PTPRC: variants seen among roughly 807,000 people sequenced by gnomAD.
PTPRC encodes protein tyrosine phosphatase receptor type C.
PTPRC carries 44 observed loss-of-function variants against 155.9 expected under a neutral mutation model. The observed-to-expected ratio is 0.28, with a 90% CI of 0.22 to 0.36. The LOEUF is 0.36. PTPRC is among the 10% of genes least tolerant of loss of function. PTPRC has a pLI of 1.00. For synonymous variants in PTPRC, 525 were observed against 533.1 expected (o/e 0.98, Z 0.21); for missense variants, 1,401 against 1,564.6 (o/e 0.90, Z 1.76).
intron 2 of PTPRC, among the ~76,000 whole-genome samples, chr1:198,670,305 A>G (rs929233077): frequency 5.3e-4 from 80 of 152,282 alleles, no homozygotes; most frequent in African/African-American, 1.9e-3. Context: ...AATCACTGTT[A>G]TATGACCTTA....
intron 32 of PTPRC, among the ~76,000 whole-genome samples, chr1:198,754,962 A>C (rs115227278): frequency 0.016 from 2,506 of 152,228 alleles, 65 homozygotes; most frequent in African/African-American, 0.055. Flanking sequence ...TGAGTGGGCC[A>C]CATGTCCCTC....
At chr1:198,682,234 C>G (rs1665374599) in intron 2 of PTPRC, among the ~76,000 whole-genome samples, 2 of 152,150 alleles carry the variant, frequency 1.3e-5, no homozygotes, top group South Asian at 4.1e-4. Flanking sequence ...TGTTTCTGTT[C>G]AGAGTTTTCA....
upstream of PTPRC, chr1:198,639,021 AG>A (rs1557956567): frequency 2.1e-6 from 1 of 480,432 alleles, no homozygotes; most frequent in Non-Finnish European, 3.7e-6. Context: ...TTTTTGGAGA[AG>A]TTAGTAAAAC....
rs555453732 is a variant in PTPRC at position 198,642,040 on chromosome 1, A to T, written c.73+2699A>T. Among the ~76,000 whole-genome samples, 3 of 152,142 alleles carry T rather than the reference A, an allele frequency of 2.0e-5. No individual in the cohort carries two copies. In the South Asian group the frequency reaches 6.2e-4, roughly 31 times the overall value. The stretch of plus-strand genomic sequence containing the variant: ...GAATTACTTATTAATTTGAAAAAAA[A>T]TGTCCTACTAAAAACCTGCCTGTGA... On this transcript the variant is annotated intron_variant, in intron 2 of 32. Coordinates refer to ENST00000442510, the MANE Select transcript of PTPRC (RefSeq NM_002838.5).
intron 2 of PTPRC, among the ~76,000 whole-genome samples, chr1:198,682,794 A>G (rs1272767702): frequency 1.3e-5 from 2 of 152,184 alleles, no homozygotes; most frequent in Non-Finnish European, 2.9e-5. Context: ...TTTGTTAGGC[A>G]TAGGCCTGTT....
intron 9 of PTPRC, among the ~76,000 whole-genome samples, chr1:198,707,769 G>A (rs1375680615): frequency 4.6e-5 from 7 of 152,216 alleles, no homozygotes; most frequent in Admixed American, 2.0e-4. Context: ...TCAATTAAAA[G>A]TAAGTAAAGA....
At chr1:198,680,349 A>C (rs1433531952) in intron 2 of PTPRC, among the ~76,000 whole-genome samples, 1 of 151,898 alleles carries the variant, frequency 6.6e-6, no homozygotes, top group Non-Finnish European at 1.5e-5. Flanking sequence ...TATACTCAGG[A>C]GGCTGAGGCA....
chr1:198,695,535 T>A (rs988976649), intron 3 of PTPRC, among the ~76,000 whole-genome samples: 2 of 151,008 alleles, frequency 1.3e-5, no homozygotes, highest in African/African-American at 4.9e-5. Flanking sequence ...ATTAAGAAAA[T>A]CACTTTTTTC....
intron 12 of PTPRC, among the ~76,000 whole-genome samples, 180 bp downstream of exon 12, chr1:198,713,252 C>A (rs1319506451): frequency 2.6e-5 from 4 of 152,196 alleles, no homozygotes; most frequent in Admixed American, 2.0e-4. Context: ...CCAGAAATGA[C>A]TAAAATCCAG....
intron 4 of PTPRC, among the ~76,000 whole-genome samples, chr1:198,697,928 C>T (rs1303546080): frequency 1.3e-5 from 2 of 152,120 alleles, no homozygotes; most frequent in Non-Finnish European, 2.9e-5. Flanking sequence ...TTTAATCTTC[C>T]ATTTGTTTCC....
rs1392507217 is a variant in PTPRC, at chr1:198,756,224, T to A, written c.*43T>A. 1.2e-5 allele frequency: 19 copies of A among 1,608,610 alleles called. No individual in the cohort carries two copies. Among genetic ancestry groups the A allele is most frequent in the Non-Finnish European group, 1.5e-5 (18 of 1,176,486 alleles). ...GAAACTCCAAACCTCCTGTTAGCTG[T>A]TATTTCTATTTTTGTAGAAGTAGGA... On this transcript the variant is annotated 3_prime_UTR_variant, in exon 33 of 33. Coordinates refer to ENST00000442510, the MANE Select transcript of PTPRC (RefSeq NM_002838.5).
At position 198,756,534 on chromosome 1, in the gene PTPRC, T is replaced by G. The variant is rs965256484; in HGVS notation, c.*353T>G. On this transcript the variant is annotated 3_prime_UTR_variant, in exon 33 of 33. Coordinates refer to ENST00000442510, the MANE Select transcript of PTPRC (RefSeq NM_002838.5). ...TAAAAGCTTTTGCTTTTCCTTTGTT[T>G]TTATGAAGAAAAAATACATTTTATA... 4.9e-6 allele frequency: 1 copy of G among 204,988 alleles called. No individual in the cohort carries two copies. The highest frequency in any genetic ancestry group is 2.4e-5 in the African/African-American group (1 of 42,282). The allele number at this position is 204,988 out of a possible 1,614,324, so 12.7% of individuals were successfully genotyped here. A position where few individuals can be genotyped will look rare whatever the true frequency, so the allele number is the denominator to read the frequency against.
At chr1:198,700,734 ATTC>A (rs769633300) in intron 5 of PTPRC, among the ~76,000 whole-genome samples, 1 of 152,164 alleles carries the variant, frequency 6.6e-6, no homozygotes, top group Non-Finnish European at 1.5e-5. Flanking sequence ...TGATCAAGGA[ATTC>A]TTCTTCTCAA....
intron 5 of PTPRC, among the ~76,000 whole-genome samples, chr1:198,700,420 T>C (rs942973650): frequency 9.2e-5 from 14 of 152,228 alleles, no homozygotes; most frequent in Admixed American, 6.5e-4. Context: ...GGTAGGAACA[T>C]GGTCTTGCTT....
chr1:198,701,327 C>T (rs986088182), intron 5 of PTPRC, among the ~76,000 whole-genome samples: 31 of 152,152 alleles, frequency 2.0e-4, no homozygotes, highest in African/African-American at 6.8e-4. Context: ...CAAATCAAAG[C>T]CATGTTCAGA....
chr1:198,694,198 G>A (rs1216402344), intron 3 of PTPRC: 3 of 1,450,564 alleles, frequency 2.1e-6, no homozygotes, highest in Non-Finnish European at 2.7e-6. Context: ...AGAGCAGGAA[G>A]CAGCCAGCAC....
intron 2 of PTPRC, among the ~76,000 whole-genome samples, chr1:198,649,102 C>A (rs1663101163): frequency 6.6e-6 from 1 of 151,626 alleles, no homozygotes; most frequent in African/African-American, 2.4e-5. Context: ...ATTCCAGAGA[C>A]AAGTTGGCTA....
chr1:198,661,138 C>T (rs1224325588), intron 2 of PTPRC, among the ~76,000 whole-genome samples: 1 of 152,060 alleles, frequency 6.6e-6, no homozygotes, highest in African/African-American at 2.4e-5. Flanking sequence ...AAAATCTTAA[C>T]ACTGTTAATT....
At chr1:198,712,467 C>A (rs72738051) in intron 11 of PTPRC, among the ~76,000 whole-genome samples, 2,139 of 152,252 alleles carry the variant, frequency 0.014, 25 homozygotes, top group Non-Finnish European at 0.016. Context: ...AACTGTATCT[C>A]AAATGGGTAC....
Sources: gnomAD v4.1 joint callset for allele counts (sites outside exome capture counted in the v4.1 genomes callset) on GRCh38, gnomAD v4.1.1 for gene constraint, MANE v1.5 for transcripts, NCBI Gene and HGNC (gene_info 2026-07-23, HGNC 2026-07-21) for gene names.